POLR1A: variants seen among roughly 807,000 people sequenced by gnomAD.
POLR1A encodes the protein RNA polymerase I subunit A, also known as DNA-directed RNA polymerase I subunit RPA1.
A neutral mutation model predicts 205.3 loss-of-function variants in POLR1A; 84 were observed. The ratio of observed to expected loss-of-function variants is 0.41; its 90% CI spans 0.34 to 0.49. The LOEUF is 0.49. Ranked by LOEUF, POLR1A falls within the 20% of genes least tolerant of loss-of-function variation. The pLI, the probability that POLR1A is intolerant of heterozygous loss-of-function variation, is 0.22. For missense variants in POLR1A, 1,645 were observed against 2,204.5 expected, an observed-to-expected ratio of 0.75 and a Z score of 5.08; for synonymous variants, 799 against 863.7, an observed-to-expected ratio of 0.93 and a Z score of 1.31.
At chr2:86,056,136 G>A (rs1359022503) in intron 14 of POLR1A, among the ~76,000 whole-genome samples, 2 of 152,050 alleles carry the variant, frequency 1.3e-5, no homozygotes, top group East Asian at 3.9e-4. Context: ...TATTAGCAAT[G>A]AACAATCTGA....
At chr2:86,066,563 T>C (rs1673087214) in intron 13 of POLR1A, among the ~76,000 whole-genome samples, 1 of 152,250 alleles carries the variant, frequency 6.6e-6, no homozygotes, top group Non-Finnish European at 1.5e-5. Flanking sequence ...GAAAAACCTG[T>C]GCCTTGGATA....
chr2:86,058,335 G>A (rs1417077832), intron 14 of POLR1A, among the ~76,000 whole-genome samples: 4 of 151,100 alleles, frequency 2.6e-5, no homozygotes, highest in Admixed American at 6.6e-5. Context: ...TCCTGATGTC[G>A]TGATCCGGCC....
intron 33 of POLR1A, 50 bp downstream of exon 33, chr2:86,027,835 C>T (rs1672296631): frequency 1.3e-6 from 2 of 1,598,572 alleles, no homozygotes; most frequent in South Asian, 2.2e-5. Flanking sequence ...AGCCCGTGTG[C>T]CCAGAGTCGT....
chr2:86,095,975 G>T (rs1324340919), intron 3 of POLR1A, among the ~76,000 whole-genome samples: 1 of 148,612 alleles, frequency 6.7e-6, no homozygotes, highest in Non-Finnish European at 1.5e-5. Flanking sequence ...TGATCCACCT[G>T]CCTCGGCCTC....
At chr2:86,059,521 T>C (rs1408665421) in intron 14 of POLR1A, among the ~76,000 whole-genome samples, 2 of 152,246 alleles carry the variant, frequency 1.3e-5, no homozygotes, top group Admixed American at 1.3e-4. Flanking sequence ...TTGTGGTTCA[T>C]GGTTCTCCTG....
Position 86,029,310 on chromosome 2 carries a change from A to T in POLR1A, c.4780-599T>A, listed in dbSNP as rs553723744. On this transcript the variant is annotated intron_variant, in intron 31 of 33. Transcript: ENST00000263857. ...TGGTGGGGGCAGAAGTGTACGTGGC[A>T]GGGGGAGCTTTGCCAGCTTAGCATA... Among the ~76,000 whole-genome samples, 149 of 151,526 alleles carry T rather than the reference A, an allele frequency of 9.8e-4. 1 individual carries two copies. Among genetic ancestry groups the T allele is most frequent in the East Asian group, 3.9e-4 (2 of 5,104 alleles).
chr2:86,073,185 C>A lies in POLR1A; in HGVS notation c.1611+1845G>T, dbSNP rs6750765. 5.7e-5 allele frequency among the ~76,000 whole-genome samples: 8 copies of A among 141,228 alleles called. No homozygotes were observed. In the East Asian group the frequency reaches 1.6e-3, roughly 29 times the overall value. The allele number at this position is 141,228 out of a possible 152,430, so 92.7% of individuals were successfully genotyped here. ...CTGCACTTTAGCCTGGGAGACAGAG[C>A]GAGACCTTGTCTCAAAAAAAAATAA... On this transcript the variant is annotated intron_variant, in intron 12 of 33. Transcript: ENST00000263857.
intron 3 of POLR1A, among the ~76,000 whole-genome samples, chr2:86,097,637 C>G (rs34263823): frequency 0.37 from 56,295 of 152,034 alleles, 12,875 homozygotes; most frequent in Non-Finnish European, 0.51. Flanking sequence ...AAGCCAGGAA[C>G]AGAAAGTTAA....
Position 86,070,924 on chromosome 2 carries a change from T to G in POLR1A, c.1612-652A>C, listed in dbSNP as rs969984158. 3.9e-5 allele frequency among the ~76,000 whole-genome samples: 6 copies of G among 152,038 alleles called. No individual in the cohort carries two copies. The highest frequency in any genetic ancestry group is 1.4e-4 in the African/African-American group (6 of 41,410). On this transcript the variant is annotated intron_variant, in intron 12 of 33. Coordinates refer to ENST00000263857, the MANE Select transcript of POLR1A (RefSeq NM_015425.6). This position sits in a 1 kb window ranked among gnomAD's most constrained non-coding sequence, Gnocchi z 4.4. ...ATTAAAACACTTAAAACACATTTTC[T>G]GTTGGCTCTTCAAGAAAAAAAAAAG...
intron 3 of POLR1A, among the ~76,000 whole-genome samples, chr2:86,094,957 T>C (rs1220913075): frequency 6.6e-6 from 1 of 152,156 alleles, no homozygotes; most frequent in Non-Finnish European, 1.5e-5. Context: ...TGGGTCACCC[T>C]GCACAGGCAC....
At chr2:86,102,711 T>C (rs1259568911) in intron 1 of POLR1A, among the ~76,000 whole-genome samples, 1 of 152,128 alleles carries the variant, frequency 6.6e-6, no homozygotes, top group Non-Finnish European at 1.5e-5. Context: ...TCCTCTCTCT[T>C]TGTAGAGGAG....
At chr2:86,076,153 T>C (rs971710682) in intron 11 of POLR1A, among the ~76,000 whole-genome samples, 5 of 152,248 alleles carry the variant, frequency 3.3e-5, no homozygotes, top group Admixed American at 6.5e-5. Context: ...CCCTGTTAAA[T>C]GAGTTTTTGA....
At position 86,070,349 on chromosome 2, in the gene POLR1A, G is replaced by A. The variant is rs1400087784; in HGVS notation, c.1612-77C>T. ...CGGCTCTTTCCAAGTGCTCACCTCA[G>A]CTTGACCAAGGTGTGGCTTTTGTCT... On this transcript the variant is annotated intron_variant, in intron 12 of 33. Transcript: ENST00000263857. The surrounding 1 kb of genome is among the most constrained non-coding windows in gnomAD (Gnocchi z 4.4). 3 of 1,461,992 alleles carry A rather than the reference G, an allele frequency of 2.1e-6. No homozygotes were observed. Among genetic ancestry groups the A allele is most frequent in the Non-Finnish European group, 1.9e-6 (2 of 1,080,452 alleles). The allele number at this position is 1,461,992 out of a possible 1,614,324, so 90.6% of individuals were successfully genotyped here.
At chr2:86,100,458 T>A (rs1459760422) in intron 1 of POLR1A, among the ~76,000 whole-genome samples, 1 of 152,054 alleles carries the variant, frequency 6.6e-6, no homozygotes, top group Non-Finnish European at 1.5e-5. Context: ...TTGCACTAAG[T>A]ACACTGGTAA....
chr2:86,044,066 G>A (rs1047695814), intron 22 of POLR1A, 73 bp downstream of exon 22: 45 of 1,469,796 alleles, frequency 3.1e-5, no homozygotes, highest in Admixed American at 1.2e-4. Flanking sequence ...AAAGCTCAGC[G>A]CATTCCAGTT....
chr2:86,089,607 T>G (rs931918768), intron 4 of POLR1A, among the ~76,000 whole-genome samples: 2 of 152,210 alleles, frequency 1.3e-5, no homozygotes, highest in Non-Finnish European at 2.9e-5. Flanking sequence ...CACATAATCC[T>G]CTCATTGGTC....
chr2:86,101,048 T>C (rs1673810985), intron 1 of POLR1A, among the ~76,000 whole-genome samples: 1 of 152,206 alleles, frequency 6.6e-6, no homozygotes, highest in African/African-American at 2.4e-5. Context: ...AATCCCTGTA[T>C]GCAGAAATAG....
At chr2:86,061,259 T>C (rs1448950828) in intron 14 of POLR1A, among the ~76,000 whole-genome samples, 2 of 152,222 alleles carry the variant, frequency 1.3e-5, no homozygotes, top group South Asian at 2.1e-4. Context: ...CCAGCCTGTC[T>C]AACATGGAAA....
chr2:86,070,400 G>T lies in POLR1A; in HGVS notation c.1612-128C>A. 9.9e-7 allele frequency: 1 copy of T among 1,014,820 alleles called. No homozygotes were observed. 62.9% of individuals were successfully genotyped at this position (1,014,820 alleles called of 1,614,324 possible). A position where few individuals can be genotyped will look rare whatever the true frequency, so the allele number is the denominator to read the frequency against. On this transcript the variant is annotated intron_variant, in intron 12 of 33. Transcript: ENST00000263857. This position sits in a 1 kb window ranked among gnomAD's most constrained non-coding sequence, Gnocchi z 4.4. ...CACGTTCTAGTTAACTAAATGCAAG[G>T]GGAATTTTTCATCTGGAGCAAAACC...
Sources: allele counts gnomAD v4.1 joint callset (sites outside exome capture counted in the v4.1 genomes callset), GRCh38; gene constraint gnomAD v4.1.1; non-coding constraint Gnocchi (gnomAD v3.1); transcripts MANE v1.5; gene names NCBI Gene and HGNC (gene_info 2026-07-23, HGNC 2026-07-21).